Variants in CORIN observed in about 807,000 individuals in gnomAD.
The protein encoded by CORIN is atrial natriuretic peptide-converting enzyme.
Under a neutral mutation model 125.3 loss-of-function variants are expected in CORIN, and 117 were observed. The ratio of observed to expected loss-of-function variants is 0.93; its 90% CI spans 0.80 to 1.09. The LOEUF is 1.09. Among genes scored for constraint, CORIN ranks in the 50% least tolerant of loss-of-function variants. CORIN has a pLI of 0.00. For synonymous variants in CORIN, 450 were observed against 466.4 expected, an observed-to-expected ratio of 0.96 and a Z score of 0.45; for missense variants, 1,253 against 1,306.7, an observed-to-expected ratio of 0.96 and a Z score of 0.63.
intron 16 of CORIN, among the ~76,000 whole-genome samples, chr4:47,629,547 TCTC>T (rs755846671): frequency 8.6e-5 from 13 of 151,858 alleles, no homozygotes; most frequent in Non-Finnish European, 1.5e-4. Flanking sequence ...GTTGTTTTCT[TCTC>T]CTATCATATC....
Position 47,715,463 on chromosome 4 carries a change from C to T in CORIN, c.800-22380G>A, listed in dbSNP as rs563582778. Reference sequence around the variant, plus strand: ...CTCTACTAAAATACAAAAAATTAGCCGTGTGGTGGCAGATGCCTGTAGTCC... The same window carrying T: ...CTCTACTAAAATACAAAAAATTAGCTGTGTGGTGGCAGATGCCTGTAGTCC... On this transcript the variant is annotated intron_variant, in intron 5 of 21. Coordinates refer to ENST00000273857, the MANE Select transcript of CORIN (RefSeq NM_006587.4). Among the ~76,000 whole-genome samples the T allele has an allele frequency of 9.7e-4, 148 of 152,088 alleles. 3 individuals are homozygous for T. The South Asian group carries it at 0.019, about 19-fold the overall frequency.
chr4:47,826,481 A>C (rs958973342), intron 1 of CORIN, among the ~76,000 whole-genome samples: 10 of 152,172 alleles, frequency 6.6e-5, no homozygotes, highest in African/African-American at 2.2e-4. Context: ...CTCAGGGGAA[A>C]ATCTGTGTCT....
chr4:47,644,688 A>G (rs186931295), intron 14 of CORIN, among the ~76,000 whole-genome samples: 29 of 152,306 alleles, frequency 1.9e-4, no homozygotes, highest in African/African-American at 7.0e-4. Context: ...AAAACTCAGG[A>G]CAATAGTGCA....
At chr4:47,620,784 C>T (rs367998883) in intron 19 of CORIN, among the ~76,000 whole-genome samples, 20 of 152,266 alleles carry the variant, frequency 1.3e-4, no homozygotes, top group Non-Finnish European at 2.4e-4. Context: ...ACTTCCTGCC[C>T]GCACCAACTC....
At chr4:47,637,078 C>T (rs762385144) in intron 16 of CORIN, among the ~76,000 whole-genome samples, 7 of 152,092 alleles carry the variant, frequency 4.6e-5, no homozygotes, top group Admixed American at 3.9e-4. Flanking sequence ...TGTTGGGAAC[C>T]GGAGCAAAGG....
At chr4:47,702,310 A>C (rs974779135) in intron 5 of CORIN, among the ~76,000 whole-genome samples, 1 of 152,218 alleles carries the variant, frequency 6.6e-6, no homozygotes, top group African/African-American at 2.4e-5. Flanking sequence ...AAATGATTGC[A>C]TATAAATCTA....
chr4:47,797,624 T>C (rs1191517721), intron 2 of CORIN, among the ~76,000 whole-genome samples: 1 of 152,052 alleles, frequency 6.6e-6, no homozygotes, highest in African/African-American at 2.4e-5. Context: ...ATGGACAGAG[T>C]TAATGTGAGA....
chr4:47,758,099 A>G (rs926822015), intron 4 of CORIN, among the ~76,000 whole-genome samples: 2 of 151,676 alleles, frequency 1.3e-5, no homozygotes, highest in African/African-American at 4.8e-5. Context: ...TATTTTTAGT[A>G]GAGACGGGGT....
intron 5 of CORIN, among the ~76,000 whole-genome samples, chr4:47,705,027 G>T (rs1377922924): frequency 6.6e-6 from 1 of 152,152 alleles, no homozygotes; most frequent in Non-Finnish European, 1.5e-5. Flanking sequence ...TTTCTGAAGG[G>T]CATACTTGGC....
At chr4:47,823,076 G>C (rs1313499978) in intron 1 of CORIN, among the ~76,000 whole-genome samples, 1 of 152,140 alleles carries the variant, frequency 6.6e-6, no homozygotes, top group African/African-American at 2.4e-5. Flanking sequence ...GCCTCCCAAA[G>C]TGCTGGGATT....
intron 5 of CORIN, among the ~76,000 whole-genome samples, chr4:47,743,337 A>C (rs570859040): frequency 6.6e-6 from 1 of 152,376 alleles, no homozygotes; most frequent in South Asian, 2.1e-4. Context: ...CCAACAGATG[A>C]CTTGTATCCA....
intron 3 of CORIN, among the ~76,000 whole-genome samples, chr4:47,777,369 A>G (rs899068822): frequency 6.6e-6 from 1 of 152,198 alleles, no homozygotes; most frequent in African/African-American, 2.4e-5. Flanking sequence ...GCGGTGGCTC[A>G]CGTCTGTAAT....
At chr4:47,701,965 A>T (rs542876583) in intron 5 of CORIN, among the ~76,000 whole-genome samples, 9 of 152,258 alleles carry the variant, frequency 5.9e-5, no homozygotes, top group African/African-American at 1.9e-4. Flanking sequence ...TTTCTAAAAA[A>T]CATGGGCAAT....
chr4:47,727,199 A>C (rs968884161), intron 5 of CORIN, among the ~76,000 whole-genome samples: 6 of 152,166 alleles, frequency 3.9e-5, no homozygotes, highest in African/African-American at 1.2e-4. Context: ...GCTTTTTGAC[A>C]GTACAGTGGG....
In CORIN at chr4:47,743,116, G is replaced by GT. The variant is rs1430604969; in HGVS notation, c.799+1285dup. ...AATTATAGTAGATGTAAAACTGAAT[G>GT]TCAAAACAATAAAGATTCTAGAAGA... On this transcript the variant is annotated intron_variant, in intron 5 of 21. Transcript: ENST00000273857. 5.3e-5 allele frequency among the ~76,000 whole-genome samples: 8 copies of GT among 151,950 alleles called. No homozygotes were observed. In the South Asian group the frequency reaches 1.2e-3, roughly 24 times the overall value.
chr4:47,792,520 A>G (rs1731124871), intron 2 of CORIN, among the ~76,000 whole-genome samples: 1 of 152,230 alleles, frequency 6.6e-6, no homozygotes, highest in Non-Finnish European at 1.5e-5. Flanking sequence ...GCAAAATCAT[A>G]TGAACATGAG....
At chr4:47,609,540 A>G (rs1457679087) in intron 19 of CORIN, among the ~76,000 whole-genome samples, 3 of 152,104 alleles carry the variant, frequency 2.0e-5, no homozygotes, top group Non-Finnish European at 4.4e-5. Flanking sequence ...GCACCCGGCT[A>G]TCCTTGGTAT....
chr4:47,755,283 C>T (rs1047177592), intron 4 of CORIN, among the ~76,000 whole-genome samples: 2 of 152,030 alleles, frequency 1.3e-5, no homozygotes, highest in Admixed American at 1.3e-4. Context: ...ATATGTTTGC[C>T]CTGTGGAAGA....
chr4:47,757,316 A>G (rs10018986), intron 4 of CORIN, among the ~76,000 whole-genome samples: 8,453 of 152,210 alleles, frequency 0.056, 740 homozygotes, highest in African/African-American at 0.19. Flanking sequence ...ATGCAGGGCC[A>G]GGAGTGGTGG....
Sources: gnomAD v4.1 joint callset for allele counts (sites outside exome capture counted in the v4.1 genomes callset) on GRCh38, gnomAD v4.1.1 for gene constraint, MANE v1.5 for transcripts, NCBI Gene and HGNC (gene_info 2026-07-23, HGNC 2026-07-21) for gene names.